Variants in SCN10A observed in about 807,000 individuals in gnomAD.
SCN10A encodes sodium channel protein type 10 subunit alpha.
Under a neutral mutation model 170.7 loss-of-function variants are expected in SCN10A, and 162 were observed. That is an observed-to-expected ratio of 0.95 (90% CI 0.84 to 1.08). The LOEUF (loss-of-function observed/expected upper bound fraction) is 1.08. SCN10A is among the 50% of genes least tolerant of loss of function. The pLI, the probability that SCN10A is intolerant of heterozygous loss-of-function variation, is 0.00. For synonymous variants in SCN10A, 985 were observed against 904.6 expected (o/e 1.09, Z -1.59); for missense variants, 2,527 against 2,436.9 (o/e 1.04, Z -0.78).
chr3:38,761,110 A>G, intron 7 of SCN10A, 82 bp downstream of exon 7: 1 of 1,148,184 alleles, frequency 8.7e-7, no homozygotes. Flanking sequence ...ATACACACAC[A>G]CAGGGGCTCC....
In SCN10A at chr3:38,780,997, C is replaced by T. The variant is rs552131496; in HGVS notation, c.470+7959G>A. Among the ~76,000 whole-genome samples, 16 of 152,172 alleles carry T rather than the reference C, an allele frequency of 1.1e-4. 1 individual carries two copies. The highest frequency in any genetic ancestry group is 3.9e-4 in the African/African-American group (16 of 41,518). On this transcript the variant is annotated intron_variant, in intron 4 of 27. Coordinates refer to ENST00000449082, the MANE Select transcript of SCN10A (RefSeq NM_006514.4). Reference sequence around the variant, plus strand: ...AGCTGAGGAAGAACTCATCGTTGACCATTCTACGGTCATTCGGCAGTTGAA... The same window carrying T: ...AGCTGAGGAAGAACTCATCGTTGACTATTCTACGGTCATTCGGCAGTTGAA...
Position 38,722,322 on chromosome 3 carries a change from A to G in SCN10A, c.3443T>C (p.Ile1148Thr). Reference sequence around the variant, plus strand: ...GCTCTCAAACCAGCTGTGCTCCACGATACGGTAGCAAGTCTTGCGCACCTG... The same window carrying G: ...GCTCTCAAACCAGCTGTGCTCCACGGTACGGTAGCAAGTCTTGCGCACCTG... ...GWQVRKTCYRIVEHSWFESFI... is the reference protein window; with the variant it reads ...GWQVRKTCYRTVEHSWFESFI... The change falls in exon 20 of 28, where the codon ATC (isoleucine) becomes ACC (threonine). Residue 1148 changes from isoleucine to threonine, a missense_variant. Ile to Thr is a moderately conservative substitution (Grantham distance 89). Transcript: ENST00000449082. The G allele has an allele frequency of 6.2e-6, 10 of 1,614,092 alleles. No individual in the cohort carries two copies. The highest frequency in any genetic ancestry group is 8.5e-6 in the Non-Finnish European group (10 of 1,180,020).
rs752090289 is a variant in SCN10A at position 38,698,369 on chromosome 3, G to A, written c.4851C>T (p.Val1617=). The part of the protein sequence containing the change: ...LFNIGLLLFL[V]MFIYSIFGMS... ...TACCGAAGATAGAGTAGATGAACAT[G>A]ACAAGGAATAGCAACAGCCCGATGT... The change falls in exon 28 of 28, where the codon GTC becomes GTT. Residue 1617 remains valine, a synonymous_variant. Transcript: ENST00000449082. 2 of 1,614,176 alleles carry A rather than the reference G, an allele frequency of 1.2e-6. No individual in the cohort carries two copies. The highest frequency in any genetic ancestry group is 2.2e-5 in the South Asian group (2 of 91,070).
At chr3:38,735,496 C>T (rs1301538026) in intron 15 of SCN10A, among the ~76,000 whole-genome samples, 1 of 152,174 alleles carries the variant, frequency 6.6e-6, no homozygotes, top group Non-Finnish European at 1.5e-5. Flanking sequence ...TAAGTCTTCC[C>T]AAATTGACCT....
chr3:38,703,216 C>T (rs980917828), intron 26 of SCN10A, among the ~76,000 whole-genome samples: 1 of 152,188 alleles, frequency 6.6e-6, no homozygotes, highest in African/African-American at 2.4e-5. Context: ...CTCTTGGTCC[C>T]TCTGCCTCAG....
chr3:38,793,690 A>C, intron 2 of SCN10A, 51 bp downstream of exon 2: 1 of 1,583,726 alleles, frequency 6.3e-7, no homozygotes, highest in South Asian at 1.1e-5. Context: ...GGTGGGACCG[A>C]GACTTCCTCT....
chr3:38,755,244 T>C (rs1025663645), intron 11 of SCN10A, among the ~76,000 whole-genome samples: 1 of 150,762 alleles, frequency 6.6e-6, no homozygotes, highest in African/African-American at 2.4e-5. Context: ...GAAGTGTCAA[T>C]TAAAAAAAAC....
intron 1 of SCN10A, among the ~76,000 whole-genome samples, chr3:38,813,246 G>T (rs1368276942): frequency 6.6e-6 from 1 of 152,082 alleles, no homozygotes; most frequent in African/African-American, 2.4e-5. Flanking sequence ...TAGGCTTTGA[G>T]TACCTCGGCT....
chr3:38,723,450 G>C lies in SCN10A; in HGVS notation c.3332C>G (p.Pro1111Arg), dbSNP rs746932296. 1 of 1,614,038 alleles carries C rather than the reference G, an allele frequency of 6.2e-7. No homozygotes were observed. Among genetic ancestry groups the C allele is most frequent in the Admixed American group, 1.7e-5 (1 of 60,010 alleles). The change falls in exon 19 of 28, where the codon CCA (proline) becomes CGA (arginine). Residue 1111 changes from proline to arginine, a missense_variant. Physicochemically the swap from Pro to Arg is moderately radical, Grantham distance 103. Transcript: ENST00000449082. Reference protein sequence around the residue: ...IPELADDLEEPDDCFTEGCIR... With the variant: ...IPELADDLEERDDCFTEGCIR... Reference sequence around the variant, plus strand: ...TTCACCTTCTGTGAAGCAGTCATCTGGTTCTTCCAGGTCATCTGCCAGCTC... The same window carrying C: ...TTCACCTTCTGTGAAGCAGTCATCTCGTTCTTCCAGGTCATCTGCCAGCTC...
At chr3:38,810,562 C>T (rs2064434248) in intron 1 of SCN10A, among the ~76,000 whole-genome samples, 1 of 152,102 alleles carries the variant, frequency 6.6e-6, no homozygotes, top group African/African-American at 2.4e-5. Context: ...ATTAGGTGGC[C>T]CCAAGATCTC....
chr3:38,714,127 G>T, intron 21 of SCN10A, 47 bp from the exon 22 acceptor site: 1 of 1,604,932 alleles, frequency 6.2e-7, no homozygotes, highest in Non-Finnish European at 8.5e-7. Context: ...TTCCAGAAAG[G>T]CAGTCCTCGT....
intron 25 of SCN10A, 82 bp downstream of exon 25, chr3:38,709,396 A>G: frequency 7.0e-7 from 1 of 1,429,426 alleles, no homozygotes; most frequent in Non-Finnish European, 9.4e-7. Context: ...GGCTTTTGTC[A>G]GGAGGCCAGA....
At chr3:38,785,847 C>T (rs2064194176) in intron 4 of SCN10A, among the ~76,000 whole-genome samples, 1 of 152,146 alleles carries the variant, frequency 6.6e-6, no homozygotes. Flanking sequence ...CAAAAGAAGA[C>T]ATTTATGCAG....
chr3:38,725,442 CAT>C (rs1469666701), intron 17 of SCN10A, 128 bp from the exon 18 acceptor site: 1 of 704,064 alleles, frequency 1.4e-6, no homozygotes, highest in Non-Finnish European at 2.2e-6. Flanking sequence ...CATGTACATA[CAT>C]ATATACATAC....
rs66689339 is a variant in SCN10A at position 38,699,198 on chromosome 3, G to GTT, written c.4658-638_4658-637dup. ...AGCTGTCTGCACAATGCCTTAATTTGTTTTTTTTTTTTTTTTTTCGGTTCC... is the reference window on the plus strand; with the variant it reads ...AGCTGTCTGCACAATGCCTTAATTTGTTTTTTTTTTTTTTTTTTTTCGGTTCC... On this transcript the variant is annotated intron_variant, in intron 27 of 27. Transcript: ENST00000449082. 3.5e-3 allele frequency among the ~76,000 whole-genome samples: 441 copies of GTT among 127,126 alleles called. 8 individuals carry two copies. Among genetic ancestry groups the GTT allele is most frequent in the African/African-American group, 0.013 (419 of 32,364 alleles). 83.4% of individuals were successfully genotyped at this position (127,126 alleles called of 152,430 possible).
rs553274082 is a variant in SCN10A at position 38,752,379 on chromosome 3, C to T, written c.1595G>A (p.Ser532Asn). The change falls in exon 12 of 28, where the codon AGC becomes AAC. Residue 532 changes from serine (S) to asparagine (N), a missense_variant. Coordinates refer to ENST00000449082, the MANE Select transcript of SCN10A (RefSeq NM_006514.4). ...DDGVFPGDHE[S>N]HRGSLLLGGG... The stretch of plus-strand genomic sequence containing the variant: ...ACCCAGCAGCAGAGAGCCCCGATGG[C>T]TTTCGTGGTCTCCAGGAAAGACTCC... 2 of 1,614,050 alleles carry T rather than the reference C, an allele frequency of 1.2e-6. No homozygotes were observed. The highest frequency in any genetic ancestry group is 2.7e-5 in the African/African-American group (2 of 75,046).
At chr3:38,765,911 T>C (rs1227223482) in intron 5 of SCN10A, among the ~76,000 whole-genome samples, 1 of 152,168 alleles carries the variant, frequency 6.6e-6, no homozygotes, top group Non-Finnish European at 1.5e-5. Flanking sequence ...TGTTTTGTAG[T>C]TTTCCTTGTA....
chr3:38,737,272 G>A (rs969843516), intron 15 of SCN10A, among the ~76,000 whole-genome samples: 12 of 151,074 alleles, frequency 7.9e-5, no homozygotes, highest in African/African-American at 2.5e-4. Flanking sequence ...GCCCAGCCTC[G>A]TATTTTATTA....
chr3:38,709,603 G>A lies in SCN10A; in HGVS notation c.4156C>T (p.Pro1386Ser). The A allele has an allele frequency of 6.2e-7, 1 of 1,604,308 alleles. No homozygotes were observed. Among genetic ancestry groups the A allele is most frequent in the Non-Finnish European group, 8.5e-7 (1 of 1,175,552 alleles). Residue 1386 changes from proline to serine, a missense_variant, in exon 25 of 28, where the codon CCC (proline) becomes TCC (serine). Coordinates refer to ENST00000449082, the MANE Select transcript of SCN10A (RefSeq NM_006514.4). ...ATGTACACGTTGTCCTCCCACTTGG[G>A]TTGCATGTTGACCTGTGACCAGACA... ...AVDSREVNMQPKWEDNVYMYL... is the reference protein window; with the variant it reads ...AVDSREVNMQSKWEDNVYMYL...
Sources: gnomAD v4.1 joint callset for allele counts (sites outside exome capture counted in the v4.1 genomes callset) on GRCh38, gnomAD v4.1.1 for gene constraint, MANE v1.5 for transcripts, NCBI Gene and HGNC (gene_info 2026-07-23, HGNC 2026-07-21) for gene names.